Variants in SMC1B observed in about 807,000 individuals in gnomAD.
The protein encoded by SMC1B is structural maintenance of chromosomes protein 1B.
A neutral mutation model predicts 157.9 loss-of-function variants in SMC1B; 60 were observed. The ratio of observed to expected loss-of-function variants is 0.38; its 90% CI spans 0.31 to 0.47. The LOEUF (loss-of-function observed/expected upper bound fraction) is 0.47. Among genes scored for constraint, SMC1B ranks in the 20% least tolerant of loss-of-function variants. The pLI, the probability that SMC1B is intolerant of heterozygous loss-of-function variation, is 0.99. For missense variants in SMC1B, 1,165 were observed against 1,426.2 expected (o/e 0.82, Z 2.95); for synonymous variants, 445 against 483.0 (o/e 0.92, Z 1.03).
chr22:45,346,417 C>G (rs2086552680), intron 23 of SMC1B, among the ~76,000 whole-genome samples: 3 of 152,208 alleles, frequency 2.0e-5, no homozygotes, highest in South Asian at 2.1e-4. Context: ...GGTGAACAAA[C>G]CACTCAGAAC....
At chr22:45,349,652 G>A (rs1450674731) in intron 23 of SMC1B, 76 bp downstream of exon 23, 62 of 1,358,240 alleles carry the variant, frequency 4.6e-5, no homozygotes, top group Non-Finnish European at 6.3e-5. Context: ...GATTTTTAAT[G>A]AGCATTTTCC....
Position 45,345,950 on chromosome 22 carries a change from C to T in SMC1B, c.3496-381G>A, listed in dbSNP as rs1602037980. 1.3e-5 allele frequency among the ~76,000 whole-genome samples: 2 copies of T among 152,074 alleles called. 1 individual carries two copies. The highest frequency in any genetic ancestry group is 2.9e-5 in the Non-Finnish European group (2 of 67,978). ...TGGGCGCAGTGGCTCACACCTGTAA[C>T]CCCAGCACTTTGGGAGGCTGAGGCA... On this transcript the variant is annotated intron_variant, in intron 23 of 24. Coordinates refer to ENST00000357450, the MANE Select transcript of SMC1B (RefSeq NM_148674.5).
At chr22:45,350,691 A>G (rs1014247829) in intron 22 of SMC1B, among the ~76,000 whole-genome samples, 9 of 152,152 alleles carry the variant, frequency 5.9e-5, no homozygotes, top group Non-Finnish European at 1.0e-4. Context: ...CCCTCCAAAC[A>G]TGTTCCCTCC....
chr22:45,402,451 T>G lies in SMC1B; in HGVS notation c.736A>C (p.Asn246His). Residue 246 changes from asparagine (N) to histidine (H), a missense_variant, in exon 5 of 25, where the codon AAT (asparagine) becomes CAT (histidine). Transcript: ENST00000357450. ...TCTCTTTTGACACTCAAATCCCTAT[T>G]CACATGCTCTAACTTGGTGTTCAGG... ...HLLNTKLEHV[N>H]RDLSVKRESL... 6.2e-7 allele frequency: 1 copy of G among 1,613,970 alleles called. No individual in the cohort carries two copies. The highest frequency in any genetic ancestry group is 1.1e-5 in the South Asian group (1 of 91,070).
At chr22:45,388,812 C>T (rs1053738459) in intron 10 of SMC1B, among the ~76,000 whole-genome samples, 3 of 151,274 alleles carry the variant, frequency 2.0e-5, no homozygotes, top group Non-Finnish European at 4.4e-5. Context: ...CCCGTCTCTA[C>T]TAAAAATACA....
intron 11 of SMC1B, among the ~76,000 whole-genome samples, chr22:45,385,593 AC>A (rs2086982064): frequency 6.6e-6 from 1 of 152,172 alleles, no homozygotes; most frequent in Non-Finnish European, 1.5e-5. Flanking sequence ...GTTACTGTGA[AC>A]AAGATAGAAA....
intron 9 of SMC1B, among the ~76,000 whole-genome samples, chr22:45,390,791 G>A (rs2087049517): frequency 6.6e-6 from 1 of 152,030 alleles, no homozygotes; most frequent in African/African-American, 2.4e-5. Context: ...TAATTAGACT[G>A]AAGTTCAAAA....
Position 45,344,456 on chromosome 22 carries a change from C to A in SMC1B, c.*100G>T. The A allele has an allele frequency of 1.3e-6, 1 of 794,586 alleles. No individual in the cohort carries two copies. The highest frequency in any genetic ancestry group is 1.7e-5 in the South Asian group (1 of 58,626). The allele number at this position is 794,586 out of a possible 1,614,324, so 49.2% of individuals were successfully genotyped here. A position where few individuals can be genotyped will look rare whatever the true frequency, so the allele number is the denominator to read the frequency against. ...CTAAGGTTTCTCTTAAAGGGTGCAC[C>A]AGGCTGGTCCTGCTTGCTCCAGAAG... On this transcript the variant is annotated 3_prime_UTR_variant, in exon 25 of 25. Coordinates refer to ENST00000357450, the MANE Select transcript of SMC1B (RefSeq NM_148674.5).
chr22:45,372,367 A>C, intron 12 of SMC1B, 75 bp from the exon 13 acceptor site: 1 of 1,294,216 alleles, frequency 7.7e-7, no homozygotes. Context: ...TTTCATATGT[A>C]ATAATTCACT....
In SMC1B at chr22:45,387,094, A is replaced by C. The variant is rs771404446; in HGVS notation, c.1732-48T>G. 1.6e-5 allele frequency: 23 copies of C among 1,440,706 alleles called. No individual in the cohort carries two copies. In the African/African-American group the frequency reaches 3.3e-4, roughly 21 times the overall value. The allele number at this position is 1,440,706 out of a possible 1,614,324, so 89.2% of individuals were successfully genotyped here. A position where few individuals can be genotyped will look rare whatever the true frequency, so the allele number is the denominator to read the frequency against. On this transcript the variant is annotated intron_variant, in intron 10 of 24. Coordinates refer to ENST00000357450, the MANE Select transcript of SMC1B (RefSeq NM_148674.5). ...ACATGTTACATACACTGAAATAAAA[A>C]CCAAATGTTCATTATATTCTTTCTC...
At chr22:45,391,721 C>A (rs1454642932) in intron 9 of SMC1B, among the ~76,000 whole-genome samples, 1 of 152,158 alleles carries the variant, frequency 6.6e-6, no homozygotes, top group Non-Finnish European at 1.5e-5. Flanking sequence ...CAAGTGAGAA[C>A]TCACCTAAGA....
At chr22:45,409,136 C>CA (rs1330343756) in intron 1 of SMC1B, among the ~76,000 whole-genome samples, 1 of 152,164 alleles carries the variant, frequency 6.6e-6, no homozygotes, top group Admixed American at 6.5e-5. Flanking sequence ...ATCTAAATCC[C>CA]AGCTCTCTTC....
intron 5 of SMC1B, among the ~76,000 whole-genome samples, chr22:45,401,587 G>A (rs1438794679): frequency 1.3e-5 from 2 of 152,238 alleles, no homozygotes; most frequent in Admixed American, 6.5e-5. Flanking sequence ...GGCACATCTA[G>A]TCCTAAGCGG....
At chr22:45,403,516 C>A (rs184844605) in intron 4 of SMC1B, among the ~76,000 whole-genome samples, 1 of 152,172 alleles carries the variant, frequency 6.6e-6, no homozygotes, top group African/African-American at 2.4e-5. Flanking sequence ...TGCAATGGCA[C>A]GATCACAGCT....
In SMC1B at chr22:45,402,406, T is replaced by C; in HGVS notation, c.781A>G (p.Asn261Asp). The change falls in exon 5 of 25, where the codon AAC becomes GAC. Residue 261 changes from asparagine (N) to aspartate (D), a missense_variant. By Grantham distance (23) the Asn-to-Asp change is conservative. Transcript: ENST00000357450. ...TCCTTTTTCCTGGCTTTAACTATGTTTTCATGATGAGACAAAGACTCTCTT... is the reference window on the plus strand; with the variant it reads ...TCCTTTTTCCTGGCTTTAACTATGTCTTCATGATGAGACAAAGACTCTCTT... ...VKRESLSHHENIVKARKKEHG... is the reference protein window; with the variant it reads ...VKRESLSHHEDIVKARKKEHG... 6.2e-7 allele frequency: 1 copy of C among 1,613,998 alleles called. No homozygotes were observed. The highest frequency in any genetic ancestry group is 1.1e-5 in the South Asian group (1 of 91,074).
intron 7 of SMC1B, 66 bp downstream of exon 7, chr22:45,396,280 G>A: frequency 1.4e-6 from 2 of 1,388,694 alleles, no homozygotes; most frequent in South Asian, 2.7e-5. Context: ...TCTGGAGACA[G>A]GTACAAAAAG....
intron 21 of SMC1B, among the ~76,000 whole-genome samples, chr22:45,352,807 C>A (rs1315032635): frequency 6.6e-6 from 1 of 152,206 alleles, no homozygotes; most frequent in African/African-American, 2.4e-5. Context: ...AAACACTCTC[C>A]TAACATACCC....
At chr22:45,396,243 G>A in intron 7 of SMC1B, 103 bp downstream of exon 7, 1 of 932,010 alleles carries the variant, frequency 1.1e-6, no homozygotes, top group Non-Finnish European at 1.6e-6. Context: ...AAATGAGACA[G>A]TATAGTGTAA....
At chr22:45,344,888 A>G (rs1157217398) in intron 24 of SMC1B, among the ~76,000 whole-genome samples, 1 of 152,178 alleles carries the variant, frequency 6.6e-6, no homozygotes, top group Non-Finnish European at 1.5e-5. Context: ...AGGCACAGGA[A>G]GGTAAATTTT....
Sources: allele counts gnomAD v4.1 joint callset (sites outside exome capture counted in the v4.1 genomes callset), GRCh38; gene constraint gnomAD v4.1.1; transcripts MANE v1.5; gene names NCBI Gene and HGNC (gene_info 2026-07-23, HGNC 2026-07-21).